Variants in DGKI observed in about 807,000 individuals in gnomAD.
The protein encoded by DGKI is DAG kinase iota.
A neutral mutation model predicts 147.5 loss-of-function variants in DGKI; 55 were observed. That is an observed-to-expected ratio of 0.37 (90% CI 0.30 to 0.47). DGKI has a LOEUF of 0.47. DGKI is among the 20% of genes least tolerant of loss of function. The probability of loss-of-function intolerance (pLI) is 1.00; values close to 1 mark genes in which losing one functional copy is unlikely to be tolerated. For missense variants in DGKI, 1,007 were observed against 1,323.8 expected (o/e 0.76, Z 3.71); for synonymous variants, 469 against 477.1 (o/e 0.98, Z 0.22).
chr7:137,770,956 G>A (rs1341981034), intron 1 of DGKI, among the ~76,000 whole-genome samples: 3 of 152,224 alleles, frequency 2.0e-5, no homozygotes, highest in Admixed American at 2.0e-4. Flanking sequence ...CCTATGGTAT[G>A]TGAGGCAAGC....
intron 14 of DGKI, among the ~76,000 whole-genome samples, chr7:137,584,524 A>C (rs966762794): frequency 1.3e-5 from 2 of 152,222 alleles, no homozygotes; most frequent in African/African-American, 4.8e-5. Context: ...AGATGACAAC[A>C]ATAGATACTG....
At chr7:137,556,322 G>A (rs1818222404) in intron 19 of DGKI, among the ~76,000 whole-genome samples, 1 of 150,428 alleles carries the variant, frequency 6.6e-6, no homozygotes, top group South Asian at 2.1e-4. Context: ...TTATCCATCA[G>A]CAACGAAAGT....
At chr7:137,812,927 C>T (rs1326885395) in intron 1 of DGKI, among the ~76,000 whole-genome samples, 3 of 152,200 alleles carry the variant, frequency 2.0e-5, no homozygotes, top group East Asian at 1.9e-4. Context: ...CAAATCATTG[C>T]TGCACAATGC....
intron 1 of DGKI, among the ~76,000 whole-genome samples, chr7:137,833,969 C>G (rs771146310): frequency 5.3e-5 from 8 of 152,124 alleles, no homozygotes; most frequent in Non-Finnish European, 1.2e-4. Context: ...GAATTCAAAC[C>G]CTGGCTCCAC....
At chr7:137,397,163 C>G (rs1467725530) in intron 31 of DGKI, among the ~76,000 whole-genome samples, 2 of 152,224 alleles carry the variant, frequency 1.3e-5, no homozygotes, top group African/African-American at 4.8e-5. Flanking sequence ...TTAGCGCTGA[C>G]TATGGAGGCA....
In DGKI at chr7:137,846,625, A is replaced by T; in HGVS notation, c.238T>A (p.Cys80Ser). The change falls in exon 1 of 33, where the codon TGC becomes AGC. Residue 80 changes from cysteine to serine, a missense_variant. Physicochemically the swap from Cys to Ser is moderately radical, Grantham distance 112 (BLOSUM62 -1). This residue lies in a region of DGKI where 137 missense variants were observed against 114.4 expected (regional missense o/e 1.20). Coordinates refer to ENST00000614521, the MANE Select transcript of DGKI (RefSeq NM_001321708.2). The surrounding 1 kb of genome is among the most constrained non-coding windows in gnomAD (Gnocchi z 4.0). ...TCCGCGCCGCCCTCGGCGCCCAGGC[A>T]GCAGCTCCCGGCGCCGCTTCCGCTG... is the stretch of plus-strand genomic sequence containing the variant. ...SSSGSGAGSC[C>S]LGAEGGADPR... 9.3e-7 allele frequency: 1 copy of T among 1,075,680 alleles called. No homozygotes were observed. Among genetic ancestry groups the T allele is most frequent in the Non-Finnish European group, 1.1e-6 (1 of 893,660 alleles). 66.6% of individuals were successfully genotyped at this position (1,075,680 alleles called of 1,614,324 possible).
intron 3 of DGKI, among the ~76,000 whole-genome samples, chr7:137,670,631 T>C (rs953935283): frequency 2.0e-5 from 3 of 152,214 alleles, no homozygotes; most frequent in African/African-American, 7.2e-5. Context: ...ATGGCCACAC[T>C]TTCCATGAGT....
Position 137,578,304 on chromosome 7 carries a change from T to C in DGKI, c.1664A>G (p.Asn555Ser), listed in dbSNP as rs868400084. 1.4e-5 allele frequency: 22 copies of C among 1,613,460 alleles called. No homozygotes were observed. The Middle Eastern group carries it at 1.8e-3, about 133-fold the overall frequency. Residue 555 changes from asparagine to serine, a missense_variant, in exon 16 of 33, where the codon AAC (asparagine) becomes AGC (serine). Asn to Ser is a conservative substitution (Grantham distance 46, BLOSUM62 1). Around this residue, in one of 5 missense-constraint regions of DGKI, gnomAD observed 224 missense variants for 382.7 expected, o/e 0.59. Transcript: ENST00000614521. Reference sequence around the variant, plus strand: ...GAACATTTTATTTCGAAAACGACTGTTGAATTTCTCTGGATTTGCTTCTGT... The same window carrying C: ...GAACATTTTATTTCGAAAACGACTGCTGAATTTCTCTGGATTTGCTTCTGT... ...ESREANPEKF[N>S]SRFRNKMFYA... is the part of the protein sequence containing the mutation.
rs182249261 is a variant in DGKI at position 137,442,615 on chromosome 7, A to T, written c.2761+1462T>A. On this transcript the variant is annotated intron_variant, in intron 28 of 32. Transcript: ENST00000614521. Reference sequence around the variant, plus strand: ...AAATAGCACATAATAGCAGGTTACCATTAGGTGGTCAATTGCCTGATCCTG... The same window carrying T: ...AAATAGCACATAATAGCAGGTTACCTTTAGGTGGTCAATTGCCTGATCCTG... Among the ~76,000 whole-genome samples the T allele has an allele frequency of 1.4e-3, 213 of 152,332 alleles. 1 individual carries two copies. The highest frequency in any genetic ancestry group is 6.8e-3 in the Middle Eastern group (2 of 294).
intron 13 of DGKI, 151 bp from the exon 14 acceptor site, chr7:137,585,497 A>G: frequency 2.6e-6 from 2 of 762,764 alleles, no homozygotes; most frequent in South Asian, 2.0e-5. Context: ...AGGTACTTAG[A>G]ATTTGAGACA....
chr7:137,516,703 A>G (rs2128949916), intron 21 of DGKI, among the ~76,000 whole-genome samples: 1 of 152,230 alleles, frequency 6.6e-6, no homozygotes, highest in Non-Finnish European at 1.5e-5. Flanking sequence ...TCAATGACTA[A>G]CATCTAGTGT....
rs116937047 is a variant in DGKI, at chr7:137,491,174, G to A, written c.2249-3485C>T. Reference sequence around the variant, plus strand: ...AAAAGGCTTGCAAACTGGCAGTACCGGGTGCCTCAGGAGCTGAGGTTAAAG... The same window carrying A: ...AAAAGGCTTGCAAACTGGCAGTACCAGGTGCCTCAGGAGCTGAGGTTAAAG... On this transcript the variant is annotated intron_variant, in intron 21 of 32. Coordinates refer to ENST00000614521, the MANE Select transcript of DGKI (RefSeq NM_001321708.2). Among the ~76,000 whole-genome samples, 528 of 152,220 alleles carry A rather than the reference G, an allele frequency of 3.5e-3. 8 individuals are homozygous for A. The highest frequency in any genetic ancestry group is 0.011 in the African/African-American group (463 of 41,524).
At chr7:137,815,005 C>T (rs929732083) in intron 1 of DGKI, among the ~76,000 whole-genome samples, 3 of 151,814 alleles carry the variant, frequency 2.0e-5, no homozygotes, top group Non-Finnish European at 4.4e-5. Context: ...CTGCTGAAAA[C>T]ATGGAAATAT....
At chr7:137,808,986 C>G (rs1797474073) in intron 1 of DGKI, among the ~76,000 whole-genome samples, 1 of 152,296 alleles carries the variant, frequency 6.6e-6, no homozygotes, top group Non-Finnish European at 1.5e-5. Flanking sequence ...TGTGTCATAT[C>G]TCCCTTCCCT....
At chr7:137,742,011 G>A (rs886743086) in intron 1 of DGKI, among the ~76,000 whole-genome samples, 4 of 152,148 alleles carry the variant, frequency 2.6e-5, no homozygotes, top group Non-Finnish European at 5.9e-5. Flanking sequence ...TGAGTACACA[G>A]CACGTCCTTA....
At chr7:137,517,606 G>A (rs960110428) in intron 21 of DGKI, among the ~76,000 whole-genome samples, 4 of 152,090 alleles carry the variant, frequency 2.6e-5, no homozygotes, top group Non-Finnish European at 5.9e-5. Context: ...AATGTAAAGT[G>A]TTTAACAATG....
At chr7:137,782,116 A>C (rs1181114169) in intron 1 of DGKI, among the ~76,000 whole-genome samples, 1 of 152,096 alleles carries the variant, frequency 6.6e-6, no homozygotes, top group African/African-American at 2.4e-5. Flanking sequence ...AACGAACTAG[A>C]TCACCTCTGC....
At position 137,638,613 on chromosome 7, in the gene DGKI, C is replaced by CATATATGTATATATGTGTATAT. The variant is rs1554446609; in HGVS notation, c.804+6858_804+6859insATATACACATATATACATATAT. The stretch of plus-strand genomic sequence containing the variant: ...ATATATACATATATGTATATATATA[C>CATATATGTATATATGTGTATAT]ACACACACATATATATGTGTGTATA... On this transcript the variant is annotated intron_variant, in intron 6 of 32. Coordinates refer to ENST00000614521, the MANE Select transcript of DGKI (RefSeq NM_001321708.2). Among the ~76,000 whole-genome samples the CATATATGTATATATGTGTATAT allele has an allele frequency of 9.5e-4, 15 of 15,748 alleles. 2 individuals are homozygous for CATATATGTATATATGTGTATAT. Among genetic ancestry groups the CATATATGTATATATGTGTATAT allele is most frequent in the African/African-American group, 5.6e-3 (15 of 2,664 alleles). 10.3% of individuals were successfully genotyped at this position (15,748 alleles called of 152,430 possible). A position where few individuals can be genotyped will look rare whatever the true frequency, so the allele number is the denominator to read the frequency against.
At chr7:137,522,029 T>G (rs1371661141) in intron 20 of DGKI, 63 bp from the exon 21 acceptor site, 2 of 1,219,980 alleles carry the variant, frequency 1.6e-6, no homozygotes, top group East Asian at 2.4e-5. Context: ...GCCATGCACC[T>G]GAAGGAATAA....
Sources: gnomAD v4.1 joint callset for allele counts (sites outside exome capture counted in the v4.1 genomes callset) on GRCh38, gnomAD v4.1.1 for gene constraint, gnomAD v4.1.1 regional missense constraint, Gnocchi (gnomAD v3.1) non-coding constraint, MANE v1.5 for transcripts, NCBI Gene and HGNC (gene_info 2026-07-23, HGNC 2026-07-21) for gene names.